ARHGEF10L: variants seen among roughly 807,000 people sequenced by gnomAD.
ARHGEF10L encodes rho guanine nucleotide exchange factor 10-like protein.
Under a neutral mutation model 141.2 loss-of-function variants are expected in ARHGEF10L, and 69 were observed. That is an observed-to-expected ratio of 0.49 (90% CI 0.40 to 0.60). The LOEUF (loss-of-function observed/expected upper bound fraction) is 0.60, where lower values mean the gene tolerates loss of function less well. ARHGEF10L is among the 20% of genes least tolerant of loss of function. ARHGEF10L has a pLI of 0.00. For missense variants in ARHGEF10L, 1,482 were observed against 1,734.3 expected (o/e 0.85, Z 2.58); for synonymous variants, 711 against 718.5 (o/e 0.99, Z 0.17).
chr1:17,624,245 G>A (rs1043978089), intron 12 of ARHGEF10L, 142 bp from the exon 13 acceptor site: 16 of 710,254 alleles, frequency 2.3e-5, no homozygotes, highest in Non-Finnish European at 3.9e-5. Context: ...TGCACAGCTC[G>A]AGGTCCCAAG....
At chr1:17,592,632 G>A (rs1398207577) in intron 4 of ARHGEF10L, among the ~76,000 whole-genome samples, 2 of 152,176 alleles carry the variant, frequency 1.3e-5, no homozygotes, top group Non-Finnish European at 2.9e-5. Context: ...CTAGGTGTGG[G>A]GGACATAGGG....
In ARHGEF10L at chr1:17,579,119, C is replaced by G. The variant is rs113300907; in HGVS notation, c.-43-1434C>G. On this transcript the variant is annotated intron_variant, in intron 1 of 28. Transcript: ENST00000361221. Reference sequence around the variant, plus strand: ...CACTGCAACCTCCGCCTCCCACGTTCAAGTGATTCTCCTGCCTCAGCCTAC... The same window carrying G: ...CACTGCAACCTCCGCCTCCCACGTTGAAGTGATTCTCCTGCCTCAGCCTAC... 1.2e-3 allele frequency among the ~76,000 whole-genome samples: 190 copies of G among 152,252 alleles called. 2 individuals carry two copies. The highest frequency in any genetic ancestry group is 4.4e-3 in the African/African-American group (182 of 41,544).
rs2059942013 is a variant in ARHGEF10L, at chr1:17,618,670, C to A, written c.836-669C>A. ...AGCCATTCAGCAGCTGGGATCCCCT[C>A]TCCCGGCACCTGTACCTTGCTCTGT... is the stretch of plus-strand genomic sequence containing the variant. On this transcript the variant is annotated intron_variant, in intron 9 of 28. Transcript: ENST00000361221. 10 of 588,462 alleles carry A rather than the reference C, an allele frequency of 1.7e-5. No individual in the cohort carries two copies. The South Asian group carries it at 2.7e-4, about 16-fold the overall frequency. The allele number at this position is 588,462 out of a possible 1,614,324, so 36.5% of individuals were successfully genotyped here.
In ARHGEF10L at chr1:17,688,456, G is replaced by A. The variant is rs139268687; in HGVS notation, c.3184+709G>A. Reference sequence around the variant, plus strand: ...CCAGCTGGCTTCAGAGCAGACCACGGGGCCAGCAGGCATCAGCTAACCTTG... The same window carrying A: ...CCAGCTGGCTTCAGAGCAGACCACGAGGCCAGCAGGCATCAGCTAACCTTG... On this transcript the variant is annotated intron_variant, in intron 27 of 28. Transcript: ENST00000361221. Among the ~76,000 whole-genome samples, 799 of 152,328 alleles carry A rather than the reference G, an allele frequency of 5.2e-3. 8 individuals carry two copies. The highest frequency in any genetic ancestry group is 0.018 in the African/African-American group (765 of 41,568).
At chr1:17,694,425 A>G (rs1217108052) in intron 27 of ARHGEF10L, 2 of 163,500 alleles carry the variant, frequency 1.2e-5, no homozygotes, top group Non-Finnish European at 2.7e-5. Context: ...TGGGCAGCCC[A>G]CACCTGGCAT....
At chr1:17,638,828 C>A in intron 20 of ARHGEF10L, 139 bp downstream of exon 20, 1 of 1,295,482 alleles carries the variant, frequency 7.7e-7, no homozygotes, top group Non-Finnish European at 1.0e-6. Context: ...CATCGTGGGC[C>A]ATGTCTGGGA....
At chr1:17,545,686 T>C (rs1362155102) in intron 1 of ARHGEF10L, among the ~76,000 whole-genome samples, 1 of 152,172 alleles carries the variant, frequency 6.6e-6, no homozygotes, top group Admixed American at 6.5e-5. Context: ...TAGGCAACAG[T>C]GGGCATGACC....
At chr1:17,545,437 C>G (rs1218787173) in intron 1 of ARHGEF10L, among the ~76,000 whole-genome samples, 1 of 152,182 alleles carries the variant, frequency 6.6e-6, no homozygotes, top group East Asian at 1.9e-4. Flanking sequence ...CCTCAAATCA[C>G]AGGAGCTCTC....
intron 9 of ARHGEF10L, chr1:17,618,254 C>T: frequency 1.5e-6 from 2 of 1,300,982 alleles, no homozygotes; most frequent in Non-Finnish European, 2.1e-6. Flanking sequence ...CTCTCCTCAG[C>T]CCTCCCCACC....
At chr1:17,520,987 C>G in the ARHGEF10L span, among the ~76,000 whole-genome samples, 60 of 152,340 alleles carry the variant, frequency 3.9e-4, no homozygotes, top group African/African-American at 1.4e-3. Flanking sequence ...GGCTGTTTCC[C>G]CCTGCTTTTC....
At chr1:17,626,461 G>T (rs937764743) in intron 14 of ARHGEF10L, among the ~76,000 whole-genome samples, 10 of 152,078 alleles carry the variant, frequency 6.6e-5, no homozygotes, top group African/African-American at 2.4e-4. Flanking sequence ...TTGGGACACT[G>T]TCCCAACCAC....
At chr1:17,683,061 A>T (rs1196956105) in intron 26 of ARHGEF10L, among the ~76,000 whole-genome samples, 1 of 152,064 alleles carries the variant, frequency 6.6e-6, no homozygotes, top group East Asian at 1.9e-4. Context: ...ACCAGTGAGC[A>T]GTGAGGGCTT....
rs115408847 is a variant in ARHGEF10L at position 17,644,186 on chromosome 1, C to T, written c.2272+3884C>T. Among the ~76,000 whole-genome samples the T allele has an allele frequency of 0.023, 3,530 of 152,352 alleles. 151 individuals carry two copies. The highest frequency in any genetic ancestry group is 0.081 in the African/African-American group (3,349 of 41,564). On this transcript the variant is annotated intron_variant, in intron 21 of 28. Coordinates refer to ENST00000361221, the MANE Select transcript of ARHGEF10L (RefSeq NM_018125.4). This position sits in a 1 kb window ranked among gnomAD's most constrained non-coding sequence, Gnocchi z 4.5. ...GGTGGCCCAAGGCAGTGAGCCTGAG[C>T]GCAGGGCTGGGCCCTCCCTTGCTGC...
intron 2 of ARHGEF10L, among the ~76,000 whole-genome samples, chr1:17,585,550 C>T (rs776294242): frequency 6.6e-6 from 1 of 152,154 alleles, no homozygotes; most frequent in Non-Finnish European, 1.5e-5. Context: ...TCTCCTCCTC[C>T]GTGGCCTCAG....
At chr1:17,694,047 A>G (rs564434199) in intron 27 of ARHGEF10L, 2 of 152,334 alleles carry the variant, frequency 1.3e-5, no homozygotes, top group Non-Finnish European at 2.9e-5. Flanking sequence ...GCCCATTCCC[A>G]TTGCTAGAAT....
At chr1:17,577,525 C>G (rs1426810317) in intron 1 of ARHGEF10L, among the ~76,000 whole-genome samples, 2 of 152,170 alleles carry the variant, frequency 1.3e-5, no homozygotes, top group Non-Finnish European at 2.9e-5. Context: ...GTGAGCCATC[C>G]CCACTCCCTT....
In ARHGEF10L at chr1:17,613,222, C is replaced by T; in HGVS notation, c.726+48C>T. 2.7e-6 allele frequency: 4 copies of T among 1,480,152 alleles called. No homozygotes were observed. In the Admixed American group the frequency reaches 6.8e-5, roughly 25 times the overall value. The allele number at this position is 1,480,152 out of a possible 1,614,324, so 91.7% of individuals were successfully genotyped here. Reference sequence around the variant, plus strand: ...AGCCCTGGATGGGGGCTGTTTCCAGCTGCAGCTACCTCCAAGGGTTTTCCT... The same window carrying T: ...AGCCCTGGATGGGGGCTGTTTCCAGTTGCAGCTACCTCCAAGGGTTTTCCT... On this transcript the variant is annotated intron_variant, in intron 8 of 28. Transcript: ENST00000361221.
chr1:17,658,606 CAT>C (rs769625753), intron 25 of ARHGEF10L, among the ~76,000 whole-genome samples: 28 of 152,254 alleles, frequency 1.8e-4, no homozygotes, highest in Non-Finnish European at 2.9e-4. Flanking sequence ...GCCTTGCAAA[CAT>C]GTGTGTACCA....
rs567464613 is a variant in ARHGEF10L at position 17,577,201 on chromosome 1, C to T, written c.-43-3352C>T. Among the ~76,000 whole-genome samples the T allele has an allele frequency of 7.9e-5, 12 of 152,216 alleles. No homozygotes were observed. The East Asian group carries it at 1.7e-3, about 22-fold the overall frequency. ...CTGGGACTACAGGCATGTGCCACCA[C>T]GGCTGGCTAATTTTTTGTATTTTTA... On this transcript the variant is annotated intron_variant, in intron 1 of 28. Transcript: ENST00000361221.
Sources: gnomAD v4.1 joint callset for allele counts (sites outside exome capture counted in the v4.1 genomes callset) on GRCh38, gnomAD v4.1.1 for gene constraint, Gnocchi (gnomAD v3.1) non-coding constraint, MANE v1.5 for transcripts, NCBI Gene and HGNC (gene_info 2026-07-23, HGNC 2026-07-21) for gene names.